The following TFEC variants were observed in gnomAD, a reference collection of about 807,000 sequenced individuals.
TFEC encodes class E basic helix-loop-helix protein 34.
TFEC carries 31 observed loss-of-function variants against 41.6 expected under a neutral mutation model. The ratio of observed to expected loss-of-function variants is 0.74; its 90% CI spans 0.56 to 1.01. TFEC has a LOEUF of 1.01. Among genes scored for constraint, TFEC ranks in the 50% least tolerant of loss-of-function variants. TFEC has a pLI of 0.00. For missense variants in TFEC, 402 were observed against 404.1 expected (o/e 0.99, Z 0.04); for synonymous variants, 143 against 140.6 (o/e 1.02, Z -0.12).
At chr7:116,110,961 A>G in intron 2 of TFEC, 4 of 1,204,084 alleles carry the variant, frequency 3.3e-6, no homozygotes, top group Non-Finnish European at 4.5e-6. Context: ...GAGCACTGTA[A>G]AACACATACA....
At chr7:116,018,709 T>C (rs1033287965) in intron 1 of TFEC, among the ~76,000 whole-genome samples, 13 of 152,130 alleles carry the variant, frequency 8.5e-5, no homozygotes, top group Non-Finnish European at 1.2e-4. Context: ...ATTGAGTGTA[T>C]GGGGAGAAAT....
intron 3 of TFEC, among the ~76,000 whole-genome samples, chr7:115,967,021 T>G (rs1792887186): frequency 6.6e-6 from 1 of 151,758 alleles, no homozygotes; most frequent in African/African-American, 2.4e-5. Flanking sequence ...TAGTATGTAT[T>G]TACCATGTTC....
intron 2 of TFEC, among the ~76,000 whole-genome samples, chr7:115,983,714 C>T (rs1439652365): frequency 6.6e-6 from 1 of 152,016 alleles, no homozygotes; most frequent in South Asian, 2.1e-4. Context: ...TTTGTATGAT[C>T]AGCACCTCTA....
intron 1 of TFEC, 140 bp from the exon 2 acceptor site, chr7:115,984,653 G>C (rs949396967): frequency 1.0e-6 from 1 of 1,002,484 alleles, no homozygotes; most frequent in African/African-American, 1.6e-5. Context: ...CCATACTTCT[G>C]TCATAAGTTA....
chr7:116,008,261 T>C (rs1584687860), intron 1 of TFEC, among the ~76,000 whole-genome samples: 2 of 152,174 alleles, frequency 1.3e-5, no homozygotes, highest in Admixed American at 6.5e-5. Context: ...GTTTAAACCA[T>C]CAGCAAGAAT....
At chr7:116,154,751 G>T (rs1325108312) in intron 1 of TFEC, among the ~76,000 whole-genome samples, 1 of 152,092 alleles carries the variant, frequency 6.6e-6, no homozygotes, top group Non-Finnish European at 1.5e-5. Flanking sequence ...CTATCTTCTA[G>T]AATTTTTTGC....
intron 1 of TFEC, among the ~76,000 whole-genome samples, chr7:116,003,086 C>T (rs966477404): frequency 6.6e-6 from 1 of 151,998 alleles, no homozygotes; most frequent in Non-Finnish European, 1.5e-5. Context: ...CCACTTTTAA[C>T]ATCAATGGAC....
intron 6 of TFEC, among the ~76,000 whole-genome samples, chr7:115,944,639 A>G (rs568310279): frequency 2.0e-5 from 3 of 151,766 alleles, no homozygotes; most frequent in South Asian, 4.3e-4. Flanking sequence ...ATATATTCCA[A>G]TCATGAGCTG....
At chr7:115,952,697 T>C (rs1031879544) in intron 5 of TFEC, among the ~76,000 whole-genome samples, 2 of 152,114 alleles carry the variant, frequency 1.3e-5, no homozygotes, top group East Asian at 1.9e-4. Context: ...TAGTTACTTA[T>C]AAAGGAGTCA....
intron 1 of TFEC, among the ~76,000 whole-genome samples, chr7:116,028,569 G>T (rs1344471539): frequency 6.6e-6 from 1 of 152,042 alleles, no homozygotes; most frequent in Non-Finnish European, 1.5e-5. Context: ...GTTTTATTTT[G>T]TTGACAAATA....
At chr7:115,973,861 C>T (rs1793246790) in intron 3 of TFEC, among the ~76,000 whole-genome samples, 1 of 151,916 alleles carries the variant, frequency 6.6e-6, no homozygotes, top group African/African-American at 2.4e-5. Context: ...TGATTACTTG[C>T]TGTGCTTAAA....
intron 3 of TFEC, among the ~76,000 whole-genome samples, chr7:115,962,999 C>T (rs1792643872): frequency 6.6e-6 from 1 of 151,706 alleles, no homozygotes; most frequent in Non-Finnish European, 1.5e-5. Flanking sequence ...TATCCCTCCC[C>T]CAGTCCCCCT....
intron 1 of TFEC, among the ~76,000 whole-genome samples, chr7:116,140,782 A>G (rs1364248904): frequency 6.6e-6 from 1 of 152,178 alleles, no homozygotes; most frequent in East Asian, 1.9e-4. Flanking sequence ...CATTATGTGC[A>G]CTGTAGCATT....
intron 3 of TFEC, among the ~76,000 whole-genome samples, chr7:116,103,292 A>C (rs1001733749): frequency 1.3e-5 from 2 of 152,208 alleles, no homozygotes; most frequent in South Asian, 4.1e-4. Context: ...CAGAAAGTGG[A>C]AAGTTCGTTT....
At chr7:116,019,538 T>C (rs1795316710) in intron 1 of TFEC, among the ~76,000 whole-genome samples, 1 of 152,170 alleles carries the variant, frequency 6.6e-6, no homozygotes, top group Non-Finnish European at 1.5e-5. Flanking sequence ...CAGTGATGTA[T>C]TGCACAGATA....
chr7:115,945,853 G>A (rs1011782641), intron 6 of TFEC, among the ~76,000 whole-genome samples: 7 of 151,640 alleles, frequency 4.6e-5, no homozygotes, highest in African/African-American at 1.7e-4. Context: ...AATTTCACTG[G>A]ATGAGGTCAA....
At chr7:115,946,417 G>GTGTT (rs1554378506) in intron 6 of TFEC, among the ~76,000 whole-genome samples, 44 of 121,378 alleles carry the variant, frequency 3.6e-4, no homozygotes, top group African/African-American at 6.4e-4. Context: ...GTGTGTGTGT[G>GTGTT]TGTGTGTGTG....
chr7:115,974,276 TTAGA>T lies in TFEC; in HGVS notation c.181-24_181-21del. On this transcript the variant is annotated intron_variant, in intron 2 of 7. Transcript: ENST00000265440. The stretch of plus-strand genomic sequence containing the variant: ...CTCCATCTAGCAAAATATAATACAT[TTAGA>T]ATATTGTACATAATGATAAAAGTTG... 6.5e-7 allele frequency: 1 copy of T among 1,546,790 alleles called. No individual in the cohort carries two copies. Among genetic ancestry groups the T allele is most frequent in the Non-Finnish European group, 8.7e-7 (1 of 1,147,140 alleles).
chr7:116,045,752 T>C (rs1440531081), intron 3 of TFEC, among the ~76,000 whole-genome samples: 2 of 152,132 alleles, frequency 1.3e-5, no homozygotes, highest in Non-Finnish European at 2.9e-5. Context: ...GACCCCAGAA[T>C]GGTAGATCCA....
Sources: allele counts gnomAD v4.1 joint callset (sites outside exome capture counted in the v4.1 genomes callset), GRCh38; gene constraint gnomAD v4.1.1; transcripts MANE v1.5; gene names NCBI Gene and HGNC (gene_info 2026-07-23, HGNC 2026-07-21).